Variants in PHKB observed in about 807,000 individuals in gnomAD.
PHKB encodes the protein phosphorylase kinase regulatory subunit beta.
In PHKB, 122 loss-of-function variants were observed where a neutral mutation model predicts 152.1. The ratio of observed to expected loss-of-function variants is 0.80; its 90% CI spans 0.69 to 0.93. The LOEUF is 0.93. Among genes scored for constraint, PHKB ranks in the 40% least tolerant of loss-of-function variants. The pLI is 0.00. For missense variants in PHKB, 1,304 were observed against 1,328.4 expected, an observed-to-expected ratio of 0.98 and a Z score of 0.29; for synonymous variants, 436 against 464.9, an observed-to-expected ratio of 0.94 and a Z score of 0.80.
intron 14 of PHKB, among the ~76,000 whole-genome samples, chr16:47,615,692 T>C (rs538465869): frequency 6.6e-6 from 1 of 152,258 alleles, no homozygotes; most frequent in South Asian, 2.1e-4. Context: ...CAGTCTGCTT[T>C]CTTTCCAGCT....
chr16:47,669,457 C>A, intron 26 of PHKB, 40 bp downstream of exon 26: 2 of 1,576,838 alleles, frequency 1.3e-6, no homozygotes, highest in South Asian at 2.2e-5. Flanking sequence ...GAGAATTGTT[C>A]AAGTTGTCCT....
rs190053527 is a variant in PHKB, at chr16:47,491,297, A to G, written c.77-6102A>G. Among the ~76,000 whole-genome samples the G allele has an allele frequency of 3.0e-3, 452 of 152,300 alleles. 1 individual carries two copies. Among genetic ancestry groups the G allele is most frequent in the African/African-American group, 8.1e-3 (338 of 41,562 alleles). ...CATATAGAACTATGTCTATATGTCA[A>G]TTGCCTTACCAGTTGTGAAGCAAGC... is the stretch of plus-strand genomic sequence containing the variant. On this transcript the variant is annotated intron_variant, in intron 1 of 30. Coordinates refer to ENST00000323584, the MANE Select transcript of PHKB (RefSeq NM_000293.3).
chr16:47,645,857 A>G (rs1290333969), intron 16 of PHKB, among the ~76,000 whole-genome samples: 5 of 98,870 alleles, frequency 5.1e-5, no homozygotes, highest in Non-Finnish European at 8.1e-5. Flanking sequence ...TTAGAATGGC[A>G]ATCATTAAAA....
intron 20 of PHKB, among the ~76,000 whole-genome samples, chr16:47,655,666 A>T (rs1240401137): frequency 6.6e-6 from 1 of 152,202 alleles, no homozygotes; most frequent in African/African-American, 2.4e-5. Context: ...TGTCATCTGA[A>T]ATTGGGAAAC....
Position 47,641,108 on chromosome 16 carries a change from G to C in PHKB, c.1514+18G>C, listed in dbSNP as rs760376574. ...AGCCAAAGGTATGAAATCCAAGTGG[G>C]TGGTGTGTTTTTTTGTGGGGAGGGG... On this transcript the variant is annotated intron_variant, in intron 15 of 30. Transcript: ENST00000323584. The C allele has an allele frequency of 2.4e-5, 38 of 1,609,644 alleles. No individual in the cohort carries two copies. The highest frequency in any genetic ancestry group is 3.1e-5 in the Non-Finnish European group (37 of 1,176,164).
In PHKB at chr16:47,471,437, T is replaced by C. The variant is rs13331411; in HGVS notation, c.76+10011T>C. 4.2e-3 allele frequency among the ~76,000 whole-genome samples: 646 copies of C among 152,294 alleles called. 6 individuals carry two copies. The highest frequency in any genetic ancestry group is 0.015 in the African/African-American group (610 of 41,554). On this transcript the variant is annotated intron_variant, in intron 1 of 30. Coordinates refer to ENST00000323584, the MANE Select transcript of PHKB (RefSeq NM_000293.3). ...TTTTATGATGATTCTCTGTCTGTTA[T>C]GTAAAAATAGACTGGAAGGTGACAA...
intron 7 of PHKB, among the ~76,000 whole-genome samples, chr16:47,563,908 G>A (rs1597088654): frequency 6.6e-6 from 1 of 151,652 alleles, no homozygotes; most frequent in South Asian, 2.1e-4. Flanking sequence ...AGAAGATGTG[G>A]CATTTGGTTT....
At chr16:47,541,834 T>C (rs1250431115) in intron 6 of PHKB, among the ~76,000 whole-genome samples, 1 of 151,986 alleles carries the variant, frequency 6.6e-6, no homozygotes, top group Non-Finnish European at 1.5e-5. Flanking sequence ...TTGCCCACTT[T>C]TTGATGGGGT....
chr16:47,461,560 C>A, intron 1 of PHKB, 134 bp downstream of exon 1: 1 of 880,322 alleles, frequency 1.1e-6, no homozygotes, highest in Non-Finnish European at 1.8e-6. Flanking sequence ...AAGCAGGTGG[C>A]GGCCCTGGCC....
intron 13 of PHKB, among the ~76,000 whole-genome samples, chr16:47,604,423 A>T (rs1467612167): frequency 6.6e-6 from 1 of 152,134 alleles, no homozygotes; most frequent in Non-Finnish European, 1.5e-5. Flanking sequence ...ACTAAAATGC[A>T]TACACACACA....
At chr16:47,566,533 T>G in intron 7 of PHKB, 1 of 1,599,018 alleles carries the variant, frequency 6.3e-7, no homozygotes, top group Non-Finnish European at 8.5e-7. Flanking sequence ...AGCACTGCAC[T>G]GATATTTAGT....
At chr16:47,598,465 A>G (rs995345039) in intron 13 of PHKB, among the ~76,000 whole-genome samples, 3 of 152,178 alleles carry the variant, frequency 2.0e-5, no homozygotes, top group African/African-American at 7.2e-5. Flanking sequence ...AACCTGTGTG[A>G]ATACTTTATA....
At chr16:47,556,400 T>C (rs923969356) in intron 7 of PHKB, among the ~76,000 whole-genome samples, 5 of 152,194 alleles carry the variant, frequency 3.3e-5, no homozygotes, top group African/African-American at 1.2e-4. Flanking sequence ...ATATTGGCTG[T>C]GGGTTTGTCA....
At chr16:47,511,549 C>T (rs1255900723) in intron 4 of PHKB, 116 bp from the exon 5 acceptor site, 8 of 756,076 alleles carry the variant, frequency 1.1e-5, no homozygotes, top group Admixed American at 3.9e-5. Flanking sequence ...CTGCTTTGTT[C>T]GGTCCTCTGC....
At chr16:47,491,251 G>A (rs1375032558) in intron 1 of PHKB, among the ~76,000 whole-genome samples, 1 of 152,062 alleles carries the variant, frequency 6.6e-6, no homozygotes, top group African/African-American at 2.4e-5. Flanking sequence ...TGTTTGTAAG[G>A]AAGTATATGT....
At position 47,501,703 on chromosome 16, in the gene PHKB, T is replaced by G. The variant is rs555697496; in HGVS notation, c.306-1288T>G. ...AAGACTTATTCATTATAGCATCCTT[T>G]TAACTTTTTTGTAGATTTGAAATTT... is the stretch of plus-strand genomic sequence containing the variant. On this transcript the variant is annotated intron_variant, in intron 3 of 30. Transcript: ENST00000323584. 1.1e-4 allele frequency among the ~76,000 whole-genome samples: 16 copies of G among 152,342 alleles called. No homozygotes were observed. The South Asian group carries it at 3.3e-3, about 32-fold the overall frequency.
At chr16:47,550,837 G>A (rs748645271) in intron 7 of PHKB, among the ~76,000 whole-genome samples, 4 of 152,122 alleles carry the variant, frequency 2.6e-5, no homozygotes, top group Admixed American at 6.5e-5. Flanking sequence ...GTGTGAGTCC[G>A]TCTGGTCCTG....
chr16:47,517,255 ATT>A (rs1214324029), intron 6 of PHKB, among the ~76,000 whole-genome samples: 18 of 140,362 alleles, frequency 1.3e-4, no homozygotes, highest in Non-Finnish European at 1.3e-4. Context: ...TTGTTCAGTA[ATT>A]TTTTTTTTTT....
chr16:47,621,131 G>A (rs1972610532), intron 14 of PHKB, among the ~76,000 whole-genome samples: 1 of 152,030 alleles, frequency 6.6e-6, no homozygotes, highest in African/African-American at 2.4e-5. Flanking sequence ...TCTCTAATCT[G>A]TAAAATTATT....
Sources: allele counts gnomAD v4.1 joint callset (sites outside exome capture counted in the v4.1 genomes callset), GRCh38; gene constraint gnomAD v4.1.1; transcripts MANE v1.5; gene names NCBI Gene and HGNC (gene_info 2026-07-23, HGNC 2026-07-21).